GRM5: variants seen among roughly 807,000 people sequenced by gnomAD.
GRM5 encodes the protein glutamate metabotropic receptor 5, also known as metabotropic glutamate receptor 5.
GRM5 carries 19 observed loss-of-function variants against 83.1 expected under a neutral mutation model. The ratio of observed to expected loss-of-function variants is 0.23; its 90% CI spans 0.16 to 0.34. The LOEUF is 0.34. GRM5 is among the 10% of genes least tolerant of loss of function. The pLI, the probability that GRM5 is intolerant of heterozygous loss-of-function variation, is 1.00. For synonymous variants in GRM5, 675 were observed against 633.6 expected, an observed-to-expected ratio of 1.07 and a Z score of -0.98; for missense variants, 1,160 against 1,588.3, an observed-to-expected ratio of 0.73 and a Z score of 4.58.
At chr11:88,537,869 G>A (rs1942171207) in intron 8 of GRM5, among the ~76,000 whole-genome samples, 1 of 152,144 alleles carries the variant, frequency 6.6e-6, no homozygotes, top group Non-Finnish European at 1.5e-5. Flanking sequence ...GTGAAGATAA[G>A]CTGCAAAATG....
At chr11:88,891,216 A>T (rs897074460) in intron 2 of GRM5, among the ~76,000 whole-genome samples, 4 of 152,140 alleles carry the variant, frequency 2.6e-5, no homozygotes, top group African/African-American at 9.6e-5. Context: ...AACATTAATA[A>T]ATTAACGCAA....
At chr11:89,055,309 A>G in intron 1 of GRM5, among the ~76,000 whole-genome samples, 1 of 152,218 alleles carries the variant, frequency 6.6e-6, no homozygotes, top group East Asian at 1.9e-4. Flanking sequence ...TGACAGCAGT[A>G]CCTACCCCAA....
chr11:89,060,982 T>C (rs115451775), intron 1 of GRM5, among the ~76,000 whole-genome samples: 3,271 of 152,226 alleles, frequency 0.021, 118 homozygotes, highest in African/African-American at 0.075. Context: ...ATATAACACA[T>C]AACACATATT....
At chr11:88,652,828 A>T (rs1184864489) in intron 4 of GRM5, among the ~76,000 whole-genome samples, 3 of 152,102 alleles carry the variant, frequency 2.0e-5, no homozygotes, top group African/African-American at 7.2e-5. Flanking sequence ...GGATAATAGA[A>T]ATGAGCAGAA....
intron 2 of GRM5, among the ~76,000 whole-genome samples, chr11:89,037,081 C>T (rs1212502240): frequency 2.1e-4 from 31 of 150,858 alleles, no homozygotes; most frequent in African/African-American, 6.6e-4. Context: ...ACATGTGGTG[C>T]ACTATGACTT....
chr11:88,741,286 G>A (rs1942022332), intron 3 of GRM5, among the ~76,000 whole-genome samples: 1 of 152,030 alleles, frequency 6.6e-6, no homozygotes, highest in African/African-American at 2.4e-5. Context: ...AACTGGACCA[G>A]TACAGTAGGG....
intron 4 of GRM5, among the ~76,000 whole-genome samples, chr11:88,650,053 A>G (rs932734131): frequency 6.6e-6 from 1 of 151,940 alleles, no homozygotes; most frequent in Non-Finnish European, 1.5e-5. Flanking sequence ...AACTTAAAAT[A>G]TTCTATATTA....
At chr11:88,978,103 C>T (rs1939398841) in intron 2 of GRM5, among the ~76,000 whole-genome samples, 4 of 152,104 alleles carry the variant, frequency 2.6e-5, no homozygotes, top group African/African-American at 4.8e-5. Context: ...TCACAATTAG[C>T]CTGCTCTAAA....
Position 88,593,729 on chromosome 11 carries a change from C to T in GRM5, c.1564-3002G>A, listed in dbSNP as rs896882836. 2.7e-5 allele frequency among the ~76,000 whole-genome samples: 4 copies of T among 150,780 alleles called. No individual in the cohort carries two copies. In the East Asian group the frequency reaches 7.9e-4, roughly 30 times the overall value. On this transcript the variant is annotated intron_variant, in intron 6 of 9. Coordinates refer to ENST00000305447, the MANE Select transcript of GRM5 (RefSeq NM_001143831.3). ...TGGAAGTTACATTTTCCCTTTCTTC[C>T]TTCCCTCCCTCCCTCCTTCGCTCCC...
chr11:88,666,488 A>T (rs1940047352), intron 3 of GRM5, among the ~76,000 whole-genome samples: 1 of 152,182 alleles, frequency 6.6e-6, no homozygotes, highest in African/African-American at 2.4e-5. Flanking sequence ...CTCACTCAGG[A>T]GGAGAGAGGA....
intron 4 of GRM5, among the ~76,000 whole-genome samples, chr11:88,625,123 C>G (rs1426606982): frequency 6.6e-6 from 1 of 152,074 alleles, no homozygotes; most frequent in Non-Finnish European, 1.5e-5. Context: ...ATTCCTCAGC[C>G]TCAGATGCAC....
chr11:88,577,475 C>A (rs1299573116), intron 7 of GRM5, among the ~76,000 whole-genome samples: 1 of 152,120 alleles, frequency 6.6e-6, no homozygotes, highest in Admixed American at 6.6e-5. Context: ...ACCATTCATA[C>A]CACTTGGTCC....
chr11:88,797,827 T>TAA lies in GRM5; in HGVS notation c.911+52077_911+52078dup, dbSNP rs35642201. ...AAACATTTTCATGAATTGCTGTTGT[T>TAA]AAAAAAAAAAAGCATTATGGATCTT... On this transcript the variant is annotated intron_variant, in intron 3 of 9. Transcript: ENST00000305447. 3.7e-3 allele frequency among the ~76,000 whole-genome samples: 546 copies of TAA among 147,870 alleles called. 4 individuals carry two copies. Among genetic ancestry groups the TAA allele is most frequent in the African/African-American group, 0.012 (499 of 40,610 alleles).
chr11:88,891,070 A>G (rs1430381472), intron 2 of GRM5, among the ~76,000 whole-genome samples: 1 of 152,082 alleles, frequency 6.6e-6, no homozygotes, highest in Non-Finnish European at 1.5e-5. Context: ...AAGCACTGTA[A>G]GGCTGTCTTA....
intron 7 of GRM5, among the ~76,000 whole-genome samples, chr11:88,584,086 G>C (rs530738618): frequency 2.6e-5 from 4 of 151,462 alleles, no homozygotes; most frequent in African/African-American, 9.7e-5. Context: ...TTTAAATAGC[G>C]CAAATAGTAT....
At chr11:88,960,165 G>C (rs1035650036) in intron 2 of GRM5, among the ~76,000 whole-genome samples, 3 of 152,182 alleles carry the variant, frequency 2.0e-5, no homozygotes, top group Non-Finnish European at 4.4e-5. Flanking sequence ...GATGAATGGG[G>C]CAAGTGAAAG....
chr11:88,774,628 A>G (rs527437319), intron 3 of GRM5, among the ~76,000 whole-genome samples: 110 of 152,304 alleles, frequency 7.2e-4, no homozygotes, highest in African/African-American at 2.5e-3. Flanking sequence ...CGTTCCATCA[A>G]TACCTAGTTT....
chr11:88,786,118 T>C (rs1943063418), intron 3 of GRM5, among the ~76,000 whole-genome samples: 1 of 152,096 alleles, frequency 6.6e-6, no homozygotes, highest in African/African-American at 2.4e-5. Flanking sequence ...ACATGGTCCC[T>C]AGTACAAAGA....
Position 88,574,985 on chromosome 11 carries a change from C to CTTTTTTTT in GRM5, c.1691-7001_1691-6994dup, listed in dbSNP as rs796257304. Among the ~76,000 whole-genome samples, 479 of 116,048 alleles carry CTTTTTTTT rather than the reference C, an allele frequency of 4.1e-3. 2 individuals carry two copies. Among genetic ancestry groups the CTTTTTTTT allele is most frequent in the African/African-American group, 0.014 (443 of 30,840 alleles). The allele number at this position is 116,048 out of a possible 152,430, so 76.1% of individuals were successfully genotyped here. ...GGCTGTTAATTGTAACTTTTCTTTTCTTTTTTTTTTTTTTTTACTTTAGCA... is the reference window on the plus strand; with the variant it reads ...GGCTGTTAATTGTAACTTTTCTTTTCTTTTTTTTTTTTTTTTTTTTTTTTACTTTAGCA... On this transcript the variant is annotated intron_variant, in intron 7 of 9. Transcript: ENST00000305447.
Sources: gnomAD v4.1 joint callset for allele counts (sites outside exome capture counted in the v4.1 genomes callset) on GRCh38, gnomAD v4.1.1 for gene constraint, MANE v1.5 for transcripts, NCBI Gene and HGNC (gene_info 2026-07-23, HGNC 2026-07-21) for gene names.